The following PLCB4 variants were observed in gnomAD, a reference collection of about 807,000 sequenced individuals.
PLCB4 encodes 1-phosphatidylinositol 4,5-bisphosphate phosphodiesterase beta-4.
A neutral mutation model predicts 178.8 loss-of-function variants in PLCB4; 77 were observed. That is an observed-to-expected ratio of 0.43 (90% CI 0.36 to 0.52). The LOEUF is 0.52. PLCB4 is among the 20% of genes least tolerant of loss of function. PLCB4 has a pLI of 0.00. For missense variants in PLCB4, 1,024 were observed against 1,453.4 expected (o/e 0.70, Z 4.80); for synonymous variants, 496 against 490.8 (o/e 1.01, Z -0.14).
At chr20:9,368,771 C>T (rs2035993111) in intron 9 of PLCB4, among the ~76,000 whole-genome samples, 1 of 152,152 alleles carries the variant, frequency 6.6e-6, no homozygotes, top group Non-Finnish European at 1.5e-5. Context: ...GTTTTAGCCA[C>T]TTGCGAAGTC....
chr20:9,272,626 A>G (rs550594099), intron 3 of PLCB4, among the ~76,000 whole-genome samples: 149 of 152,216 alleles, frequency 9.8e-4, no homozygotes, highest in Non-Finnish European at 1.6e-3. Context: ...ATATTTACTC[A>G]GTTCTTTTGT....
chr20:9,154,879 C>A (rs1247009440), intron 2 of PLCB4, among the ~76,000 whole-genome samples: 1 of 128,108 alleles, frequency 7.8e-6, no homozygotes, highest in African/African-American at 3.0e-5. Flanking sequence ...TTCCTTCCTT[C>A]TTTCCTTCCC....
intron 7 of PLCB4, among the ~76,000 whole-genome samples, chr20:9,357,381 G>C (rs1031544783): frequency 6.6e-6 from 1 of 152,146 alleles, no homozygotes; most frequent in Non-Finnish European, 1.5e-5. Flanking sequence ...CAGCCCAGGT[G>C]GGGTGGGACA....
In PLCB4 at chr20:9,387,520, T is replaced by C. The variant is rs758688007; in HGVS notation, c.1122T>C (p.Thr374=). Reference sequence around the variant, plus strand: ...GTGAAGACCAAGAACCAATAATAACTCATGGAAAAGCAATGTGTACAGATA... The same window carrying C: ...GTGAAGACCAAGAACCAATAATAACCCATGGAAAAGCAATGTGTACAGATA... The part of the protein sequence containing the change: ...GKGEDQEPII[T]HGKAMCTDIL... The change falls in exon 15 of 40, where the codon ACT becomes ACC. Residue 374 remains threonine, a synonymous_variant. Coordinates refer to ENST00000378473, the MANE Select transcript of PLCB4 (RefSeq NM_001377142.1). The C allele has an allele frequency of 6.3e-7, 1 of 1,599,522 alleles. No homozygotes were observed. The highest frequency in any genetic ancestry group is 1.1e-5 in the South Asian group (1 of 89,680).
chr20:9,158,359 G>A (rs908747462), intron 2 of PLCB4, among the ~76,000 whole-genome samples: 2 of 151,512 alleles, frequency 1.3e-5, no homozygotes, highest in African/African-American at 2.4e-5. Context: ...TCCACCTTCC[G>A]GGTTCAAGTG....
At chr20:9,353,745 C>A (rs2148176343) in intron 7 of PLCB4, among the ~76,000 whole-genome samples, 1 of 152,306 alleles carries the variant, frequency 6.6e-6, no homozygotes, top group African/African-American at 2.4e-5. Flanking sequence ...TGGCCCTTAG[C>A]CTCTGGCTCC....
chr20:9,421,624 A>G (rs544504486), intron 27 of PLCB4, among the ~76,000 whole-genome samples, 163 bp downstream of exon 27: 12 of 8,304 alleles, frequency 1.4e-3, no homozygotes, highest in African/African-American at 5.9e-3. Flanking sequence ...CATTGGTTCT[A>G]TTTGGCCCTG....
intron 3 of PLCB4, among the ~76,000 whole-genome samples, chr20:9,239,490 C>G (rs1016933202): frequency 4.6e-5 from 7 of 152,258 alleles, no homozygotes; most frequent in East Asian, 3.9e-4. Context: ...TTTAACCAAA[C>G]CTTTCTGTGA....
At chr20:9,237,951 T>G (rs1406391716) in intron 3 of PLCB4, among the ~76,000 whole-genome samples, 1 of 152,148 alleles carries the variant, frequency 6.6e-6, no homozygotes, top group Non-Finnish European at 1.5e-5. Flanking sequence ...GAGAAAGCTT[T>G]TCATTAGGAG....
chr20:9,240,883 G>T (rs191541906), intron 3 of PLCB4, among the ~76,000 whole-genome samples: 1 of 152,092 alleles, frequency 6.6e-6, no homozygotes, highest in African/African-American at 2.4e-5. Flanking sequence ...TAGGTAAACC[G>T]TTGTCTGCTC....
chr20:9,416,553 G>A (rs1025167094), intron 25 of PLCB4, among the ~76,000 whole-genome samples: 2 of 152,102 alleles, frequency 1.3e-5, no homozygotes, highest in African/African-American at 4.8e-5. Flanking sequence ...GGCTTCCCTC[G>A]GAGATGCAGG....
intron 25 of PLCB4, among the ~76,000 whole-genome samples, chr20:9,411,649 A>G (rs767452268): frequency 1.3e-5 from 2 of 152,098 alleles, no homozygotes; most frequent in Non-Finnish European, 2.9e-5. Flanking sequence ...CCAAGAAGTG[A>G]AATAGGAAAT....
At chr20:9,162,751 T>A (rs2092909279) in intron 2 of PLCB4, among the ~76,000 whole-genome samples, 1 of 152,106 alleles carries the variant, frequency 6.6e-6, no homozygotes, top group South Asian at 2.1e-4. Flanking sequence ...GAATAATAAA[T>A]ATATTATACC....
At chr20:9,101,977 TG>T (rs2091173169) in intron 2 of PLCB4, among the ~76,000 whole-genome samples, 1 of 152,026 alleles carries the variant, frequency 6.6e-6, no homozygotes, top group Non-Finnish European at 1.5e-5. Flanking sequence ...CCTGTGTAGC[TG>T]GGATTATCGG....
intron 3 of PLCB4, among the ~76,000 whole-genome samples, chr20:9,253,999 C>T (rs1055396733): frequency 1.3e-5 from 2 of 152,164 alleles, no homozygotes; most frequent in Non-Finnish European, 2.9e-5. Context: ...GTCTGCCCAG[C>T]TCTAATAGAT....
intron 15 of PLCB4, among the ~76,000 whole-genome samples, chr20:9,389,417 A>G (rs112061909): frequency 1.8e-4 from 28 of 152,290 alleles, no homozygotes; most frequent in African/African-American, 6.3e-4. Context: ...ACTGATTTCC[A>G]AACACAGAGG....
chr20:9,261,502 G>T (rs2094297135), intron 3 of PLCB4, among the ~76,000 whole-genome samples: 1 of 152,062 alleles, frequency 6.6e-6, no homozygotes, highest in South Asian at 2.1e-4. Flanking sequence ...CTGTTTCATG[G>T]CATTGAATGT....
rs79157635 is a variant in PLCB4 at position 9,272,326 on chromosome 20, A to T, written c.-15-35474A>T. Among the ~76,000 whole-genome samples the T allele has an allele frequency of 6.1e-3, 929 of 152,252 alleles. 32 individuals are homozygous for T. In the East Asian group the frequency reaches 0.072, roughly 12 times the overall value. On this transcript the variant is annotated intron_variant, in intron 3 of 39. Coordinates refer to ENST00000378473, the MANE Select transcript of PLCB4 (RefSeq NM_001377142.1). ...AAATAATTTGAAGAAATTAAATCAG[A>T]TCAGGGCCTTGTACCTAAAACATTA...
intron 3 of PLCB4, among the ~76,000 whole-genome samples, chr20:9,280,006 T>C (rs1290584207): frequency 6.6e-6 from 1 of 152,076 alleles, no homozygotes; most frequent in African/African-American, 2.4e-5. Flanking sequence ...TGTTTTCCAT[T>C]GCTATGAACA....
Sources: allele counts gnomAD v4.1 joint callset (sites outside exome capture counted in the v4.1 genomes callset), GRCh38; gene constraint gnomAD v4.1.1; transcripts MANE v1.5; gene names NCBI Gene and HGNC (gene_info 2026-07-23, HGNC 2026-07-21).